The following MAP3K20 variants were observed in gnomAD, a reference collection of about 807,000 sequenced individuals.
MAP3K20 encodes HCCS-4.
In MAP3K20, 40 loss-of-function variants were observed where a neutral mutation model predicts 85.7. The observed-to-expected ratio is 0.47, with a 90% CI of 0.36 to 0.61. The LOEUF is 0.61. Ranked by LOEUF, MAP3K20 falls within the 20% of genes least tolerant of loss-of-function variation. The probability of loss-of-function intolerance (pLI) is 0.00; values close to 1 mark genes in which losing one functional copy is unlikely to be tolerated. For missense variants in MAP3K20, 817 were observed against 961.7 expected (o/e 0.85, Z 1.99); for synonymous variants, 325 against 327.7 (o/e 0.99, Z 0.09).
chr2:173,260,851 T>C (rs1685275916), intron 17 of MAP3K20, among the ~76,000 whole-genome samples: 1 of 152,244 alleles, frequency 6.6e-6, no homozygotes, highest in Admixed American at 6.5e-5. Context: ...ACTAGCTGTT[T>C]ACAAATATAC....
At chr2:173,148,177 CCT>C (rs1246219966) in intron 2 of MAP3K20, among the ~76,000 whole-genome samples, 1 of 152,166 alleles carries the variant, frequency 6.6e-6, no homozygotes, top group Non-Finnish European at 1.5e-5. Flanking sequence ...TTTATCCTCC[CCT>C]GTCCCCCCTC....
intron 2 of MAP3K20, among the ~76,000 whole-genome samples, chr2:173,118,312 G>T (rs2106183814): frequency 1.3e-5 from 2 of 152,332 alleles, no homozygotes; most frequent in Middle Eastern, 6.8e-3. Context: ...AATGGATCTA[G>T]TTCAGGGAGC....
intron 2 of MAP3K20, among the ~76,000 whole-genome samples, chr2:173,111,973 G>A (rs1020370262): frequency 6.6e-6 from 1 of 152,084 alleles, no homozygotes; most frequent in Non-Finnish European, 1.5e-5. Flanking sequence ...TTTTGATGGG[G>A]ATTGCATTGA....
rs771039311 is a variant in MAP3K20, at chr2:173,238,436, G to C, written c.1266+1G>C. 2.5e-6 allele frequency: 4 copies of C among 1,610,142 alleles called. No homozygotes were observed. Among genetic ancestry groups the C allele is most frequent in the Non-Finnish European group, 3.4e-6 (4 of 1,177,690 alleles). On this transcript the variant is annotated splice_donor_variant, in intron 15 of 19. Transcript: ENST00000375213. LOFTEE classifies it high-confidence loss of function. Reference sequence around the variant, plus strand: ...GTTTCACTTCCCACCACTAATTAAGGTAAGTAAGGTTTTTCTTACCGACAC... The same window carrying C: ...GTTTCACTTCCCACCACTAATTAAGCTAAGTAAGGTTTTTCTTACCGACAC...
intron 14 of MAP3K20, among the ~76,000 whole-genome samples, chr2:173,236,121 C>A (rs768807782): frequency 6.6e-6 from 1 of 151,906 alleles, no homozygotes; most frequent in Non-Finnish European, 1.5e-5. Flanking sequence ...CAAAAATTAG[C>A]CAGGCATGTG....
chr2:173,083,989 A>C lies in MAP3K20; in HGVS notation c.-34-7009A>C, dbSNP rs144001989. Among the ~76,000 whole-genome samples, 161 of 152,336 alleles carry C rather than the reference A, an allele frequency of 1.1e-3. 1 individual carries two copies. Among genetic ancestry groups the C allele is most frequent in the Non-Finnish European group, 2.0e-3 (138 of 68,020 alleles). ...GGGACAGGAAAAGAGGAAGGCTCTAAATTCAGAAATATAGGCCCATATAAA... is the reference window on the plus strand; with the variant it reads ...GGGACAGGAAAAGAGGAAGGCTCTACATTCAGAAATATAGGCCCATATAAA... On this transcript the variant is annotated intron_variant, in intron 1 of 19. Transcript: ENST00000375213.
chr2:173,250,146 T>C (rs1248818575), intron 16 of MAP3K20, among the ~76,000 whole-genome samples: 1 of 152,272 alleles, frequency 6.6e-6, no homozygotes, highest in Non-Finnish European at 1.5e-5. Context: ...TTTTCCTTTC[T>C]TGTATTTTAA....
intron 2 of MAP3K20, among the ~76,000 whole-genome samples, chr2:173,103,978 C>A (rs1397154989): frequency 6.6e-6 from 1 of 152,138 alleles, no homozygotes; most frequent in Non-Finnish European, 1.5e-5. Flanking sequence ...TGGAACTACA[C>A]TGGTAAATAA....
intron 2 of MAP3K20, among the ~76,000 whole-genome samples, chr2:173,143,019 C>T (rs1346185787): frequency 6.6e-6 from 1 of 151,978 alleles, no homozygotes; most frequent in Non-Finnish European, 1.5e-5. Context: ...AGAGCTAGAA[C>T]CTGTCTCAAA....
At chr2:173,084,012 A>G (rs1165742364) in intron 1 of MAP3K20, among the ~76,000 whole-genome samples, 15 of 152,200 alleles carry the variant, frequency 9.9e-5, no homozygotes, top group Admixed American at 9.2e-4. Flanking sequence ...AGGCCCATAT[A>G]AAACCACAAG....
At chr2:173,242,995 G>A (rs748920371) in intron 16 of MAP3K20, among the ~76,000 whole-genome samples, 48 of 152,182 alleles carry the variant, frequency 3.2e-4, no homozygotes, top group Non-Finnish European at 5.3e-4. Flanking sequence ...GTGAGCCACC[G>A]CGCCCAGCCC....
chr2:173,077,298 A>C (rs928553296), intron 1 of MAP3K20, among the ~76,000 whole-genome samples: 1 of 151,550 alleles, frequency 6.6e-6, no homozygotes, highest in African/African-American at 2.4e-5. Flanking sequence ...ACAAAAATAA[A>C]CAAGTGATTC....
chr2:173,116,149 G>A (rs909772641), intron 2 of MAP3K20, among the ~76,000 whole-genome samples: 4 of 152,096 alleles, frequency 2.6e-5, no homozygotes, highest in African/African-American at 9.7e-5. Flanking sequence ...ATTGTGCCTG[G>A]CCTATTATAT....
chr2:173,097,549 C>G (rs1391026012), intron 2 of MAP3K20, among the ~76,000 whole-genome samples: 1 of 152,030 alleles, frequency 6.6e-6, no homozygotes, highest in Admixed American at 6.5e-5. Context: ...CAAAAGGAAG[C>G]AGAATCCTTA....
chr2:173,232,194 T>C lies in MAP3K20; in HGVS notation c.1035T>C (p.Tyr345=), dbSNP rs780783236. Residue 345 remains tyrosine (Y), a splice_region_variant and synonymous_variant, in exon 13 of 20, where the codon TAT becomes TAC. Coordinates refer to ENST00000375213, the MANE Select transcript of MAP3K20 (RefSeq NM_016653.3). ...CGTATGTGTCCTCTCTTTCACAGTA[T>C]TGTTGGGTTCAGCAGCTCGTCAGAA... ...EIGAWTEDDV[Y]CWVQQLVRKG... 2 of 1,614,226 alleles carry C rather than the reference T, an allele frequency of 1.2e-6. No individual in the cohort carries two copies. Among genetic ancestry groups the C allele is most frequent in the Admixed American group, 1.7e-5 (1 of 60,026 alleles).
At chr2:173,200,685 A>G (rs1014011756) in intron 8 of MAP3K20, among the ~76,000 whole-genome samples, 4 of 152,184 alleles carry the variant, frequency 2.6e-5, no homozygotes, top group Admixed American at 2.6e-4. Flanking sequence ...AGTCCCATCT[A>G]CTGGGGAGAC....
Position 173,266,285 on chromosome 2 carries a change from C to T in MAP3K20, c.1938C>T (p.Asn646=), listed in dbSNP as rs746301061. 6.2e-7 allele frequency: 1 copy of T among 1,614,142 alleles called. No homozygotes were observed. The highest frequency in any genetic ancestry group is 8.5e-7 in the Non-Finnish European group (1 of 1,180,030). Residue 646 remains asparagine, a synonymous_variant, in exon 20 of 20, where the codon AAC becomes AAT. Coordinates refer to ENST00000375213, the MANE Select transcript of MAP3K20 (RefSeq NM_016653.3). ...SSPTQYGLTK[N]FSSLHLNSRD... ...CTACTCAGTATGGACTGACCAAAAACTTCTCTTCCCTACATCTCAACTCTA... is the reference window on the plus strand; with the variant it reads ...CTACTCAGTATGGACTGACCAAAAATTTCTCTTCCCTACATCTCAACTCTA...
intron 11 of MAP3K20, chr2:173,227,096 G>T: frequency 1.0e-6 from 1 of 985,772 alleles, no homozygotes; most frequent in South Asian, 4.7e-5. Context: ...ACTTTTCTTT[G>T]CTTTCCTTTG....
Position 173,239,495 on chromosome 2 carries a change from A to G in MAP3K20, c.1358A>G (p.Gln453Arg). 6.2e-7 allele frequency: 1 copy of G among 1,610,222 alleles called. No individual in the cohort carries two copies. The highest frequency in any genetic ancestry group is 8.5e-7 in the Non-Finnish European group (1 of 1,178,976). Residue 453 changes from glutamine to arginine, a missense_variant and splice_region_variant, in exon 16 of 20, where the codon CAG (glutamine) becomes CGG (arginine). Around this residue, in one of 4 missense-constraint regions of MAP3K20, gnomAD observed 454 missense variants for 476.9 expected, o/e 0.95. Coordinates refer to ENST00000375213, the MANE Select transcript of MAP3K20 (RefSeq NM_016653.3). Reference protein sequence around the residue: ...GFHLKPGTGPQDCKWKMYMEM... With the variant: ...GFHLKPGTGPRDCKWKMYMEM... The stretch of plus-strand genomic sequence containing the variant: ...CACTTGAAACCAGGAACTGGCCCAC[A>G]GGTAAATCACATTTTAAATCCTTTG...
Sources: allele counts gnomAD v4.1 joint callset (sites outside exome capture counted in the v4.1 genomes callset), GRCh38; gene constraint gnomAD v4.1.1; regional missense constraint gnomAD v4.1.1; transcripts MANE v1.5; gene names NCBI Gene and HGNC (gene_info 2026-07-23, HGNC 2026-07-21).